Variants in CNTN4 observed in about 807,000 individuals in gnomAD.
The protein encoded by CNTN4 is contactin-4.
CNTN4 carries 77 observed loss-of-function variants against 122.5 expected under a neutral mutation model. That is an observed-to-expected ratio of 0.63 (90% CI 0.52 to 0.76). CNTN4 has a LOEUF of 0.76. Among genes scored for constraint, CNTN4 ranks in the 30% least tolerant of loss-of-function variants. The pLI, the probability that CNTN4 is intolerant of heterozygous loss-of-function variation, is 0.00. For missense variants in CNTN4, 1,256 were observed against 1,259.1 expected, an observed-to-expected ratio of 1.00 and a Z score of 0.04; for synonymous variants, 512 against 447.0, an observed-to-expected ratio of 1.15 and a Z score of -1.83.
chr3:2,543,345 A>G, intron 3 of CNTN4, among the ~76,000 whole-genome samples: 1 of 152,114 alleles, frequency 6.6e-6, no homozygotes, highest in East Asian at 1.9e-4. Flanking sequence ...CCAGAGGAAA[A>G]CCATTTAATA....
intron 2 of CNTN4, among the ~76,000 whole-genome samples, chr3:2,151,789 A>G (rs570864446): frequency 1.8e-4 from 27 of 152,320 alleles, no homozygotes; most frequent in African/African-American, 6.3e-4. Context: ...CAGTCATGTG[A>G]CAGCCTGTGC....
chr3:2,940,395 T>C (rs1045526612), intron 13 of CNTN4, among the ~76,000 whole-genome samples: 1 of 152,168 alleles, frequency 6.6e-6, no homozygotes, highest in Non-Finnish European at 1.5e-5. Context: ...ATAAATACTT[T>C]AGATAAGTGC....
At position 2,636,036 on chromosome 3, in the gene CNTN4, T is replaced by C. The variant is rs529153962; in HGVS notation, c.55+64478T>C. Among the ~76,000 whole-genome samples the C allele has an allele frequency of 2.0e-5, 3 of 152,268 alleles. No homozygotes were observed. In the East Asian group the frequency reaches 5.8e-4, roughly 29 times the overall value. ...CTTCCCTGCTATATAAACCCCTAAT[T>C]TTAGTTGGTGAGACAGATGAATTTG... On this transcript the variant is annotated intron_variant, in intron 4 of 24. Transcript: ENST00000418658.
At chr3:2,613,088 A>T (rs188249243) in intron 4 of CNTN4, among the ~76,000 whole-genome samples, 7 of 152,246 alleles carry the variant, frequency 4.6e-5, no homozygotes, top group South Asian at 2.1e-4. Flanking sequence ...TCATCCGTGA[A>T]CTAAGATTTT....
At chr3:2,304,026 T>G (rs370772568) in intron 2 of CNTN4, among the ~76,000 whole-genome samples, 2 of 152,184 alleles carry the variant, frequency 1.3e-5, no homozygotes, top group East Asian at 3.8e-4. Flanking sequence ...TTCCTGTAAA[T>G]CTAGGTTACA....
At chr3:2,800,914 A>G (rs576488540) in intron 6 of CNTN4, among the ~76,000 whole-genome samples, 1 of 152,222 alleles carries the variant, frequency 6.6e-6, no homozygotes, top group South Asian at 2.1e-4. Context: ...CTCTACTCAA[A>G]CGCACCTACT....
At chr3:2,335,190 C>G (rs1053648774) in intron 2 of CNTN4, among the ~76,000 whole-genome samples, 2 of 151,966 alleles carry the variant, frequency 1.3e-5, no homozygotes, top group Non-Finnish European at 2.9e-5. Flanking sequence ...GTATTAATTT[C>G]CTGCCTATTT....
At chr3:2,716,784 C>T (rs1007752395) in intron 4 of CNTN4, among the ~76,000 whole-genome samples, 10 of 152,178 alleles carry the variant, frequency 6.6e-5, no homozygotes, top group African/African-American at 2.4e-4. Flanking sequence ...CTTTCCAACA[C>T]CTTCTTTCCC....
intron 2 of CNTN4, among the ~76,000 whole-genome samples, chr3:2,311,216 A>G (rs1392946073): frequency 1.3e-5 from 2 of 152,130 alleles, no homozygotes; most frequent in Non-Finnish European, 2.9e-5. Flanking sequence ...TAGTAGCAAG[A>G]ATGAGTCATA....
intron 13 of CNTN4, among the ~76,000 whole-genome samples, chr3:2,965,590 C>T (rs1692223544): frequency 6.6e-6 from 1 of 152,208 alleles, no homozygotes; most frequent in Non-Finnish European, 1.5e-5. Flanking sequence ...CTGGTTTCCG[C>T]TGGCTTCTTC....
intron 4 of CNTN4, among the ~76,000 whole-genome samples, chr3:2,605,919 A>C (rs966125835): frequency 6.6e-6 from 1 of 152,198 alleles, no homozygotes; most frequent in South Asian, 2.1e-4. Context: ...GCTAGAAAGA[A>C]AATTTAATCA....
intron 3 of CNTN4, among the ~76,000 whole-genome samples, chr3:2,490,599 G>C (rs1014406018): frequency 1.3e-5 from 2 of 152,162 alleles, no homozygotes; most frequent in African/African-American, 4.8e-5. Context: ...CTCTTTTACA[G>C]TTTTATATTT....
At chr3:2,863,706 G>A (rs751390417) in intron 7 of CNTN4, among the ~76,000 whole-genome samples, 5 of 151,982 alleles carry the variant, frequency 3.3e-5, no homozygotes, top group Non-Finnish European at 7.4e-5. Context: ...TGTGGTGGTG[G>A]TAATTCCATG....
rs374234673 is a variant in CNTN4, at chr3:2,982,298, A to G, written c.1359-6047A>G. Among the ~76,000 whole-genome samples the G allele has an allele frequency of 1.2e-4, 19 of 152,278 alleles. No homozygotes were observed. The East Asian group carries it at 1.4e-3, about 11-fold the overall frequency. ...AATCCATTCCTTCCATTCTACTTTT[A>G]CTACCACCGTCACCTGAACAAGTTC... is the stretch of plus-strand genomic sequence containing the variant. On this transcript the variant is annotated intron_variant, in intron 13 of 24. Coordinates refer to ENST00000418658, the MANE Select transcript of CNTN4 (RefSeq NM_175607.3).
chr3:2,180,505 A>C (rs1213733246), intron 2 of CNTN4, among the ~76,000 whole-genome samples: 2 of 152,058 alleles, frequency 1.3e-5, no homozygotes, highest in Non-Finnish European at 2.9e-5. Context: ...TGATAGGTCT[A>C]GTAAGAGGAT....
rs901073064 is a variant in CNTN4, at chr3:2,371,757, A to C, written c.-89+32524A>C. Among the ~76,000 whole-genome samples, 7 of 152,352 alleles carry C rather than the reference A, an allele frequency of 4.6e-5. No individual in the cohort carries two copies. In the South Asian group the frequency reaches 1.2e-3, roughly 27 times the overall value. ...AGAAAAAGGTTCTGGAATAATTTTA[A>C]TATTTACCTGTCTGTTAAAATATTC... is the stretch of plus-strand genomic sequence containing the variant. On this transcript the variant is annotated intron_variant, in intron 3 of 24. Transcript: ENST00000418658.
At position 2,550,103 on chromosome 3, in the gene CNTN4, G is replaced by A. The variant is rs147892581; in HGVS notation, c.-88-21313G>A. Reference sequence around the variant, plus strand: ...ATTCTTCTCTCTTTTCTTCTTATTAGTCTGGCTAGTAGTTTATCTATTTTG... The same window carrying A: ...ATTCTTCTCTCTTTTCTTCTTATTAATCTGGCTAGTAGTTTATCTATTTTG... On this transcript the variant is annotated intron_variant, in intron 3 of 24. Coordinates refer to ENST00000418658, the MANE Select transcript of CNTN4 (RefSeq NM_175607.3). 1.2e-4 allele frequency among the ~76,000 whole-genome samples: 19 copies of A among 152,056 alleles called. No homozygotes were observed. In the East Asian group the frequency reaches 3.7e-3, roughly 29 times the overall value.
chr3:2,496,333 A>G (rs930301212), intron 3 of CNTN4, among the ~76,000 whole-genome samples: 1 of 152,168 alleles, frequency 6.6e-6, no homozygotes, highest in Non-Finnish European at 1.5e-5. Flanking sequence ...TAGATATGTC[A>G]GGAAAATATT....
At chr3:2,873,143 G>A (rs144511589) in intron 8 of CNTN4, among the ~76,000 whole-genome samples, 4 of 152,298 alleles carry the variant, frequency 2.6e-5, no homozygotes, top group South Asian at 2.1e-4. Flanking sequence ...AGACGTACCA[G>A]CAGCTCTCAT....
Sources: allele counts gnomAD v4.1 joint callset (sites outside exome capture counted in the v4.1 genomes callset), GRCh38; gene constraint gnomAD v4.1.1; transcripts MANE v1.5; gene names NCBI Gene and HGNC (gene_info 2026-07-23, HGNC 2026-07-21).